MGAT4C: variants seen among roughly 807,000 people sequenced by gnomAD.
MGAT4C encodes alpha-1,3-mannosyl-glycoprotein 4-beta-N-acetylglucosaminyltransferase C.
Under a neutral mutation model 40.1 loss-of-function variants are expected in MGAT4C, and 19 were observed. The ratio of observed to expected loss-of-function variants is 0.47; its 90% CI spans 0.33 to 0.70. The LOEUF is 0.70. MGAT4C is among the 30% of genes least tolerant of loss of function. The probability of loss-of-function intolerance (pLI) is 0.02; values close to 1 mark genes in which losing one functional copy is unlikely to be tolerated. For synonymous variants in MGAT4C, 181 were observed against 187.1 expected, an observed-to-expected ratio of 0.97 and a Z score of 0.27; for missense variants, 491 against 563.2, an observed-to-expected ratio of 0.87 and a Z score of 1.30.
chr12:86,459,705 C>A lies in MGAT4C; in HGVS notation c.-228-24440G>T, dbSNP rs988414163. Reference sequence around the variant, plus strand: ...CCACAGCTTTACCCGCCCCGCCCCCCACCCACCCACATGCGCATACATGAA... The same window carrying A: ...CCACAGCTTTACCCGCCCCGCCCCCAACCCACCCACATGCGCATACATGAA... On this transcript the variant is annotated intron_variant, in intron 2 of 7. Coordinates refer to the MGAT4C transcript ENST00000548651. Among the ~76,000 whole-genome samples the A allele has an allele frequency of 2.4e-3, 293 of 123,278 alleles. 1 individual carries two copies. Among genetic ancestry groups the A allele is most frequent in the African/African-American group, 8.5e-3 (279 of 32,874 alleles). 80.9% of individuals were successfully genotyped at this position (123,278 alleles called of 152,430 possible).
intron 4 of MGAT4C, among the ~76,000 whole-genome samples, chr12:86,293,729 G>A (rs1953585795): frequency 6.6e-6 from 1 of 152,136 alleles, no homozygotes; most frequent in Non-Finnish European, 1.5e-5. Flanking sequence ...GCACCCAGGT[G>A]GAGGTAATTA....
At chr12:86,217,582 A>G (rs1950721379) in intron 1 of MGAT4C, among the ~76,000 whole-genome samples, 2 of 152,328 alleles carry the variant, frequency 1.3e-5, no homozygotes, top group South Asian at 4.1e-4. Context: ...TTGCCAATCT[A>G]CATATTGCTC....
intron 1 of MGAT4C, among the ~76,000 whole-genome samples, chr12:86,804,733 A>G (rs962722160): frequency 2.6e-5 from 4 of 152,054 alleles, no homozygotes; most frequent in African/African-American, 9.7e-5. Flanking sequence ...CTAAGCCATC[A>G]AAGAAATTTG....
At chr12:86,059,608 A>C (rs1488376982) in intron 1 of MGAT4C, among the ~76,000 whole-genome samples, 1 of 152,196 alleles carries the variant, frequency 6.6e-6, no homozygotes, top group African/African-American at 2.4e-5. Flanking sequence ...ATCAGAGCAG[A>C]CTAAGGATAT....
intron 1 of MGAT4C, among the ~76,000 whole-genome samples, chr12:86,738,387 C>T (rs1809434621): frequency 6.6e-6 from 1 of 151,396 alleles, no homozygotes; most frequent in South Asian, 2.1e-4. Flanking sequence ...TCACTTGCTA[C>T]TATTCAATAT....
At chr12:86,277,635 C>A (rs779999396) in intron 4 of MGAT4C, among the ~76,000 whole-genome samples, 1 of 152,162 alleles carries the variant, frequency 6.6e-6, no homozygotes, top group East Asian at 1.9e-4. Flanking sequence ...TTCCCCAACA[C>A]CATTTATTTA....
At chr12:86,535,439 A>T (rs560143781) in intron 2 of MGAT4C, among the ~76,000 whole-genome samples, 1 of 152,190 alleles carries the variant, frequency 6.6e-6, no homozygotes, top group South Asian at 2.1e-4. Context: ...TATGTATTAA[A>T]GTTTTTTAAA....
intron 3 of MGAT4C, among the ~76,000 whole-genome samples, chr12:86,406,869 C>A (rs1956484874): frequency 6.6e-6 from 1 of 152,076 alleles, no homozygotes; most frequent in Non-Finnish European, 1.5e-5. Flanking sequence ...CTCCAGCAGA[C>A]CCCAACTGGG....
intron 1 of MGAT4C, among the ~76,000 whole-genome samples, chr12:86,211,010 T>A (rs1055409737): frequency 5.3e-5 from 8 of 151,856 alleles, no homozygotes; most frequent in Non-Finnish European, 8.8e-5. Context: ...ACAGTGCTAA[T>A]CAAACATAGA....
At chr12:86,719,609 G>A (rs1950705240) in intron 2 of MGAT4C, among the ~76,000 whole-genome samples, 1 of 152,038 alleles carries the variant, frequency 6.6e-6, no homozygotes, top group Non-Finnish European at 1.5e-5. Flanking sequence ...CTGCCTTCTG[G>A]GTCTTGATTT....
At chr12:86,411,909 A>G (rs1251074955) in intron 3 of MGAT4C, among the ~76,000 whole-genome samples, 2 of 152,082 alleles carry the variant, frequency 1.3e-5, no homozygotes, top group Admixed American at 6.6e-5. Flanking sequence ...CCTGCATCTC[A>G]GCTGCTCCAA....
rs369013602 is a variant in MGAT4C at position 86,774,777 on chromosome 12, G to A, written c.-261-47536C>T. On this transcript the variant is annotated intron_variant, in intron 1 of 7. Coordinates refer to the MGAT4C transcript ENST00000548651. ...CATTTTGAAGAAAGCAGCAATTCAA[G>A]CAGTTTCATACTTCATCTTAATAAG... 3.1e-3 allele frequency among the ~76,000 whole-genome samples: 465 copies of A among 152,084 alleles called. 3 individuals carry two copies. The highest frequency in any genetic ancestry group is 0.01 in the Middle Eastern group (3 of 292).
At chr12:86,788,779 A>G (rs780652679) in intron 1 of MGAT4C, among the ~76,000 whole-genome samples, 2 of 152,172 alleles carry the variant, frequency 1.3e-5, no homozygotes, top group Non-Finnish European at 1.5e-5. Flanking sequence ...AATAGATGTT[A>G]TTTCAAAACA....
intron 1 of MGAT4C, among the ~76,000 whole-genome samples, chr12:86,809,408 T>C (rs1952427149): frequency 6.6e-6 from 1 of 152,012 alleles, no homozygotes; most frequent in Non-Finnish European, 1.5e-5. Context: ...TTTCAAATGA[T>C]AGTTTAGTTT....
chr12:86,068,679 G>T (rs1054338652), intron 1 of MGAT4C, among the ~76,000 whole-genome samples: 1 of 151,730 alleles, frequency 6.6e-6, no homozygotes, highest in African/African-American at 2.4e-5. Context: ...TTGTGTGAAG[G>T]CTTGTGCCAA....
At chr12:86,263,557 T>G (rs185286482) in intron 4 of MGAT4C, among the ~76,000 whole-genome samples, 22 of 152,330 alleles carry the variant, frequency 1.4e-4, no homozygotes, top group African/African-American at 5.3e-4. Context: ...ATGCCAAATT[T>G]TCTTTATTCA....
chr12:86,534,929 A>C (rs1565832160), intron 2 of MGAT4C, among the ~76,000 whole-genome samples: 1 of 152,134 alleles, frequency 6.6e-6, no homozygotes, highest in Non-Finnish European at 1.5e-5. Flanking sequence ...TAATGGTTCC[A>C]ATCCAACTGA....
intron 2 of MGAT4C, among the ~76,000 whole-genome samples, chr12:86,030,019 T>G (rs1329015880): frequency 1.3e-5 from 2 of 151,764 alleles, no homozygotes; most frequent in Admixed American, 1.3e-4. Context: ...AAGTAAAAAT[T>G]ACATCAAACA....
chr12:86,608,925 A>C (rs902555807), intron 2 of MGAT4C, among the ~76,000 whole-genome samples: 2 of 152,138 alleles, frequency 1.3e-5, no homozygotes, highest in Admixed American at 1.3e-4. Context: ...CTGCTTTTGC[A>C]TACTGTTGTA....
Sources: gnomAD v4.1 joint callset for allele counts (sites outside exome capture counted in the v4.1 genomes callset) on GRCh38, gnomAD v4.1.1 for gene constraint, MANE v1.5 for transcripts, NCBI Gene and HGNC (gene_info 2026-07-23, HGNC 2026-07-21) for gene names.